The following PNLIP variants were observed in gnomAD, a reference collection of about 807,000 sequenced individuals.
The protein encoded by PNLIP is pancreatic triacylglycerol lipase.
Under a neutral mutation model 57.1 loss-of-function variants are expected in PNLIP, and 49 were observed. The ratio of observed to expected loss-of-function variants is 0.86; its 90% CI spans 0.68 to 1.09. The LOEUF (loss-of-function observed/expected upper bound fraction) is 1.09, where lower values mean the gene tolerates loss of function less well. Among genes scored for constraint, PNLIP ranks in the 50% least tolerant of loss-of-function variants. PNLIP has a pLI of 0.00. For synonymous variants in PNLIP, 209 were observed against 200.4 expected (o/e 1.04, Z -0.36); for missense variants, 503 against 570.2 (o/e 0.88, Z 1.20).
rs1033935807 is a variant in PNLIP, at chr10:116,545,983, G to A, written c.-1+25G>A. The A allele has an allele frequency of 5.0e-5, 45 of 907,500 alleles. No individual in the cohort carries two copies. The African/African-American group carries it at 6.8e-4, about 14-fold the overall frequency. The allele number at this position is 907,500 out of a possible 1,614,324, so 56.2% of individuals were successfully genotyped here. ...GGTGAGTCGGGAACATGTTTTCCAG[G>A]CCTAATTGATCAGAATGTATCCATT... is the stretch of plus-strand genomic sequence containing the variant. On this transcript the variant is annotated intron_variant, in intron 1 of 12. Coordinates refer to ENST00000369221, the MANE Select transcript of PNLIP (RefSeq NM_000936.4).
intron 3 of PNLIP, among the ~76,000 whole-genome samples, chr10:116,548,081 A>G (rs1422708760): frequency 6.6e-6 from 1 of 152,094 alleles, no homozygotes; most frequent in African/African-American, 2.4e-5. Flanking sequence ...ACACACGCAC[A>G]CACACACACA....
chr10:116,556,722 T>C (rs1404795066), intron 9 of PNLIP, among the ~76,000 whole-genome samples: 1 of 152,064 alleles, frequency 6.6e-6, no homozygotes, highest in African/African-American at 2.4e-5. Flanking sequence ...GACATATCTA[T>C]TGTCTGGGTT....
chr10:116,567,641 G>C (rs1030525297), intron 12 of PNLIP, 94 bp from the exon 13 acceptor site: 1 of 1,006,172 alleles, frequency 9.9e-7, no homozygotes, highest in African/African-American at 1.6e-5. Context: ...CCTTCCCTCA[G>C]ACTAGGAGGT....
At chr10:116,561,703 A>T (rs1847317440) in intron 12 of PNLIP, 67 bp downstream of exon 12, 1 of 1,431,896 alleles carries the variant, frequency 7.0e-7, no homozygotes, top group African/African-American at 1.4e-5. Context: ...TTCCCACTAA[A>T]AGTCTAATTT....
intron 10 of PNLIP, among the ~76,000 whole-genome samples, chr10:116,559,804 G>A (rs556255417): frequency 1.5e-4 from 23 of 152,008 alleles, no homozygotes; most frequent in Non-Finnish European, 2.2e-4. Context: ...AGAGTTAATG[G>A]GGTTACCGAC....
Position 116,548,382 on chromosome 10 carries a change from G to A in PNLIP, c.224G>A (p.Ser75Asn). ...CAGGAAGTTGCCGCAGATTCATCAA[G>A]CATCAGTGGCTCCAATTTCAAAACA... ...NFQEVAADSSSISGSNFKTNR... is the reference protein window; with the variant it reads ...NFQEVAADSSNISGSNFKTNR... Residue 75 changes from serine (S) to asparagine (N), a missense_variant, in exon 4 of 13, where the codon AGC becomes AAC. Coordinates refer to ENST00000369221, the MANE Select transcript of PNLIP (RefSeq NM_000936.4). 4 of 1,614,050 alleles carry A rather than the reference G, an allele frequency of 2.5e-6. No individual in the cohort carries two copies. Among genetic ancestry groups the A allele is most frequent in the African/African-American group, 2.7e-5 (2 of 75,048 alleles).
intron 5 of PNLIP, 114 bp from the exon 6 acceptor site, chr10:116,553,613 A>C (rs971878849): frequency 1.3e-5 from 9 of 708,512 alleles, no homozygotes; most frequent in Admixed American, 4.2e-5. Context: ...ATACTTTATG[A>C]TGTTCCCACA....
intron 3 of PNLIP, 44 bp downstream of exon 3, chr10:116,547,492 C>T (rs765264158): frequency 1.7e-5 from 27 of 1,544,180 alleles, no homozygotes; most frequent in African/African-American, 8.3e-5. Context: ...TTTGGGAGGC[C>T]GAGGCGGGCG....
At chr10:116,552,764 T>C (rs1847208024) in intron 5 of PNLIP, among the ~76,000 whole-genome samples, 1 of 151,888 alleles carries the variant, frequency 6.6e-6, no homozygotes, top group Non-Finnish European at 1.5e-5. Flanking sequence ...TGGGCGCCTG[T>C]AGTCCCAGCT....
chr10:116,559,268 G>A lies in PNLIP; in HGVS notation c.1045G>A (p.Ala349Thr), dbSNP rs764644409. Residue 349 changes from alanine to threonine, a missense_variant, in exon 10 of 13, where the codon GCC (alanine) becomes ACC (threonine). Transcript: ENST00000369221. ...GAAATTTTATCTAGACACTGGTGAT[G>A]CCAGTAATTTTGCACGTAAGTTTCT... ...GQKFYLDTGD[A>T]SNFARWRYKV... 28 of 1,612,602 alleles carry A rather than the reference G, an allele frequency of 1.7e-5. No homozygotes were observed. The highest frequency in any genetic ancestry group is 8.0e-5 in the African/African-American group (6 of 74,864).
intron 9 of PNLIP, among the ~76,000 whole-genome samples, chr10:116,558,812 A>T (rs1847283659): frequency 6.6e-6 from 1 of 151,874 alleles, no homozygotes; most frequent in African/African-American, 2.4e-5. Context: ...TTTAGTAGAG[A>T]CGGGGTTTCA....
intron 1 of PNLIP, 29 bp from the exon 2 acceptor site, chr10:116,546,064 G>T: frequency 6.2e-7 from 1 of 1,610,274 alleles, no homozygotes; most frequent in South Asian, 1.1e-5. Context: ...AACTTAGCCA[G>T]ACTCAATCAT....
chr10:116,566,664 T>C (rs916209758), intron 12 of PNLIP, among the ~76,000 whole-genome samples: 37 of 152,204 alleles, frequency 2.4e-4, no homozygotes, highest in African/African-American at 8.9e-4. Context: ...TAAGGTACTG[T>C]TTCTGAATTT....
chr10:116,559,396 G>A, intron 10 of PNLIP, 113 bp downstream of exon 10: 1 of 762,242 alleles, frequency 1.3e-6, no homozygotes, highest in South Asian at 1.9e-5. Context: ...CACCCCCTCT[G>A]CAAGGTGGAA....
chr10:116,562,184 C>T (rs1847322470), intron 12 of PNLIP, among the ~76,000 whole-genome samples: 1 of 152,128 alleles, frequency 6.6e-6, no homozygotes, highest in Non-Finnish European at 1.5e-5. Flanking sequence ...AATACTAGAC[C>T]AAGTATTTCT....
chr10:116,554,879 G>C (rs1425879691), intron 6 of PNLIP, among the ~76,000 whole-genome samples: 1 of 152,088 alleles, frequency 6.6e-6, no homozygotes, highest in Non-Finnish European at 1.5e-5. Context: ...ACAGTCTAAT[G>C]GGGACTATTT....
At chr10:116,548,306 G>A (rs1400400514) in intron 3 of PNLIP, 54 bp from the exon 4 acceptor site, 2 of 1,586,828 alleles carry the variant, frequency 1.3e-6, no homozygotes, top group Non-Finnish European at 1.7e-6. Context: ...ATGTACAAAT[G>A]GTTCTATTGG....
intron 12 of PNLIP, among the ~76,000 whole-genome samples, chr10:116,565,936 G>A (rs1847363125): frequency 6.6e-6 from 1 of 152,146 alleles, no homozygotes; most frequent in African/African-American, 2.4e-5. Context: ...GGCCTCCCCA[G>A]TAGCTGGGAT....
At chr10:116,554,965 C>T (rs1021698172) in intron 6 of PNLIP, among the ~76,000 whole-genome samples, 2 of 152,140 alleles carry the variant, frequency 1.3e-5, no homozygotes, top group Admixed American at 1.3e-4. Context: ...GTGACTAAGA[C>T]TCTCCCAGTG....
Sources: gnomAD v4.1 joint callset for allele counts (sites outside exome capture counted in the v4.1 genomes callset) on GRCh38, gnomAD v4.1.1 for gene constraint, MANE v1.5 for transcripts, NCBI Gene and HGNC (gene_info 2026-07-23, HGNC 2026-07-21) for gene names.